Variants in WDR49 observed in about 807,000 individuals in gnomAD.
WDR49 encodes the protein cilia- and flagella-associated protein 337.
WDR49 carries 107 observed loss-of-function variants against 119.5 expected under a neutral mutation model. That is an observed-to-expected ratio of 0.90 (90% CI 0.77 to 1.05). The LOEUF (loss-of-function observed/expected upper bound fraction) is 1.05, where lower values mean the gene tolerates loss of function less well. Ranked by LOEUF, WDR49 falls within the 50% of genes least tolerant of loss-of-function variation. The pLI, the probability that WDR49 is intolerant of heterozygous loss-of-function variation, is 0.00. For missense variants in WDR49, 1,240 were observed against 1,220.5 expected (o/e 1.02, Z -0.24); for synonymous variants, 425 against 418.8 (o/e 1.01, Z -0.18).
At chr3:167,639,493 A>G (rs993415369) in intron 2 of WDR49, among the ~76,000 whole-genome samples, 1 of 151,746 alleles carries the variant, frequency 6.6e-6, no homozygotes, top group South Asian at 2.1e-4. Context: ...ACAAAATCTG[A>G]TTTTCTTTAG....
At chr3:167,569,702 A>C (rs1304675699) in intron 8 of WDR49, among the ~76,000 whole-genome samples, 1 of 151,542 alleles carries the variant, frequency 6.6e-6, no homozygotes, top group Non-Finnish European at 1.5e-5. Flanking sequence ...AAAAAATCAG[A>C]TACAGTGCCC....
rs1003683784 is a variant in WDR49, at chr3:167,554,715, A to G, written c.1758T>C (p.Leu586=). ...GAVDISQILI[L]KKKILVTGWE... ...AGCCTGTAACCAGTATTTTCTTCTT[A>G]AGAATGAGGATTTGTGAAATATCCA... The change falls in exon 10 of 19, where the codon CTT becomes CTC. Residue 586 remains leucine, a synonymous_variant. Transcript: ENST00000682715. 3.7e-6 allele frequency: 6 copies of G among 1,613,402 alleles called. No homozygotes were observed. Among genetic ancestry groups the G allele is most frequent in the Non-Finnish European group, 3.4e-6 (4 of 1,179,670 alleles).
chr3:167,485,593 A>T (rs1750889148), intron 18 of WDR49, among the ~76,000 whole-genome samples: 1 of 152,038 alleles, frequency 6.6e-6, no homozygotes, highest in Non-Finnish European at 1.5e-5. Flanking sequence ...GAACTTAAAA[A>T]TTTACTACAA....
chr3:167,479,834 A>C (rs1449221178), intron 18 of WDR49, among the ~76,000 whole-genome samples: 1 of 152,184 alleles, frequency 6.6e-6, no homozygotes, highest in Non-Finnish European at 1.5e-5. Flanking sequence ...TAGGTCTTGA[A>C]TTCCAGATAG....
intron 8 of WDR49, among the ~76,000 whole-genome samples, chr3:167,565,356 G>GAAA (rs747708281): frequency 1.1e-5 from 1 of 91,528 alleles, no homozygotes. Flanking sequence ...AACAAGATCA[G>GAAA]AAAAAAAAAA....
At chr3:167,652,431 TCTTA>T (rs1366355019) in intron 2 of WDR49, among the ~76,000 whole-genome samples, 1 of 152,144 alleles carries the variant, frequency 6.6e-6, no homozygotes, top group African/African-American at 2.4e-5. Context: ...CCACGGACAA[TCTTA>T]AGAAGGCCCT....
At chr3:167,592,742 C>G (rs186169771) in intron 7 of WDR49, among the ~76,000 whole-genome samples, 1 of 152,168 alleles carries the variant, frequency 6.6e-6, no homozygotes, top group East Asian at 1.9e-4. Flanking sequence ...CAGATGATTT[C>G]TTATTGCTAA....
intron 7 of WDR49, among the ~76,000 whole-genome samples, chr3:167,585,287 C>A (rs2108291510): frequency 6.6e-6 from 1 of 152,104 alleles, no homozygotes; most frequent in East Asian, 1.9e-4. Context: ...TACAACACTT[C>A]TTCACTGTAA....
At chr3:167,561,402 T>C (rs552135906) in intron 8 of WDR49, among the ~76,000 whole-genome samples, 1 of 152,266 alleles carries the variant, frequency 6.6e-6, no homozygotes, top group East Asian at 1.9e-4. Context: ...TCTGATTCAA[T>C]TGGCCAAGGA....
intron 18 of WDR49, among the ~76,000 whole-genome samples, chr3:167,491,177 G>T (rs144004007): frequency 5.3e-4 from 81 of 152,190 alleles, no homozygotes; most frequent in African/African-American, 1.9e-3. Context: ...ACCCCTGAGA[G>T]ACTATTTCTG....
At chr3:167,554,344 C>T (rs1712785976) in intron 10 of WDR49, among the ~76,000 whole-genome samples, 1 of 152,062 alleles carries the variant, frequency 6.6e-6, no homozygotes, top group Non-Finnish European at 1.5e-5. Flanking sequence ...ATGTAATTTA[C>T]AAGTTAAGAA....
chr3:167,548,382 T>C (rs1205660432), intron 10 of WDR49, among the ~76,000 whole-genome samples: 3 of 152,020 alleles, frequency 2.0e-5, no homozygotes, highest in Non-Finnish European at 4.4e-5. Flanking sequence ...TAAAAACATC[T>C]CTGCCTACAT....
chr3:167,522,553 A>C (rs1752493554), intron 15 of WDR49, 69 bp from the exon 16 acceptor site: 1 of 1,493,696 alleles, frequency 6.7e-7, no homozygotes, highest in African/African-American at 1.4e-5. Context: ...ACGTGTGTTT[A>C]CCATGTGCTG....
chr3:167,556,806 C>T (rs57238699), intron 9 of WDR49, among the ~76,000 whole-genome samples: 138 of 152,208 alleles, frequency 9.1e-4, no homozygotes, highest in African/African-American at 3.0e-3. Flanking sequence ...GCGGGCGGAT[C>T]ACAAGGTCAG....
chr3:167,495,308 T>G (rs1369757134), intron 18 of WDR49, among the ~76,000 whole-genome samples: 1 of 143,576 alleles, frequency 7.0e-6, no homozygotes, highest in Non-Finnish European at 1.5e-5. Flanking sequence ...AACTAGAATC[T>G]GTATAAAAGA....
At chr3:167,582,935 T>G (rs1002747586) in intron 7 of WDR49, among the ~76,000 whole-genome samples, 128 of 150,804 alleles carry the variant, frequency 8.5e-4, no homozygotes, top group African/African-American at 3.0e-3. Context: ...AGAGCAAGAC[T>G]TTGTCTCAAA....
At chr3:167,655,413 C>T (rs570401764), upstream of WDR49, among the ~76,000 whole-genome samples, 1 of 152,262 alleles carries the variant, frequency 6.6e-6, no homozygotes, top group African/African-American at 2.4e-5. Flanking sequence ...AAAAAGTTGG[C>T]ATTACATCTT....
intron 8 of WDR49, among the ~76,000 whole-genome samples, chr3:167,568,844 T>G (rs151283460): frequency 5.3e-5 from 8 of 152,278 alleles, no homozygotes; most frequent in African/African-American, 1.4e-4. Flanking sequence ...GAGATAAGTA[T>G]CACATGGCAT....
At chr3:167,534,957 G>C (rs1297995617) in intron 11 of WDR49, among the ~76,000 whole-genome samples, 2 of 152,142 alleles carry the variant, frequency 1.3e-5, no homozygotes, top group Non-Finnish European at 2.9e-5. Flanking sequence ...CCCTAAAGCT[G>C]CTCCTGGAAA....
Sources: gnomAD v4.1 joint callset for allele counts (sites outside exome capture counted in the v4.1 genomes callset) on GRCh38, gnomAD v4.1.1 for gene constraint, MANE v1.5 for transcripts, NCBI Gene and HGNC (gene_info 2026-07-23, HGNC 2026-07-21) for gene names.